Variants in TMEM17 observed in about 807,000 individuals in gnomAD.
TMEM17 encodes the protein transmembrane protein 17.
A neutral mutation model predicts 19.1 loss-of-function variants in TMEM17; 15 were observed. The observed-to-expected ratio is 0.78, with a 90% CI of 0.52 to 1.21. The LOEUF (loss-of-function observed/expected upper bound fraction) is 1.21, where lower values mean the gene tolerates loss of function less well. Among genes scored for constraint, TMEM17 ranks in the 50% most tolerant of loss-of-function variants. The probability of loss-of-function intolerance (pLI) is 0.00; values close to 1 mark genes in which losing one functional copy is unlikely to be tolerated. For synonymous variants in TMEM17, 103 were observed against 86.9 expected, an observed-to-expected ratio of 1.19 and a Z score of -1.03; for missense variants, 245 against 242.3, an observed-to-expected ratio of 1.01 and a Z score of -0.07.
At chr2:62,488,043 G>A in the TMEM17 span, among the ~76,000 whole-genome samples, 5 of 152,146 alleles carry the variant, frequency 3.3e-5, no homozygotes, top group African/African-American at 4.8e-5. Context: ...TATGGGCCAC[G>A]GTGTTCAGTC....
chr2:62,487,668 A>C, the TMEM17 span, among the ~76,000 whole-genome samples: 2 of 152,334 alleles, frequency 1.3e-5, no homozygotes, highest in East Asian at 3.9e-4. Flanking sequence ...AAAATAAAAA[A>C]ATAAAACTTG....
chr2:62,498,673 G>A (rs1436340611), downstream of TMEM17, among the ~76,000 whole-genome samples: 30 of 146,278 alleles, frequency 2.1e-4, no homozygotes, highest in Non-Finnish European at 2.4e-4. Context: ...CCGAGATCCC[G>A]CCACTGCACT....
chr2:62,501,620 G>A, intron 3 of TMEM17, 133 bp from the exon 4 acceptor site: 1 of 862,448 alleles, frequency 1.2e-6, no homozygotes, highest in Non-Finnish European at 1.7e-6. Flanking sequence ...AGGATGACAT[G>A]GTCCTTGTCC....
the TMEM17 span, among the ~76,000 whole-genome samples, chr2:62,457,087 A>G: frequency 2.6e-5 from 4 of 152,292 alleles, no homozygotes; most frequent in South Asian, 6.2e-4. The surrounding 1 kb of genome is among the most constrained non-coding windows in gnomAD (Gnocchi z 4.2). Flanking sequence ...CCGAGGCGAT[A>G]GCCACCCTGC....
chr2:62,461,224 T>C, the TMEM17 span, among the ~76,000 whole-genome samples: 2 of 152,188 alleles, frequency 1.3e-5, no homozygotes, highest in African/African-American at 4.8e-5. Context: ...TGCTCCCTGA[T>C]TACCAATATG....
At chr2:62,463,647 T>C in the TMEM17 span, among the ~76,000 whole-genome samples, 2 of 152,166 alleles carry the variant, frequency 1.3e-5, no homozygotes, top group African/African-American at 4.8e-5. Flanking sequence ...CTGCTAGTGA[T>C]AGGGACAGGA....
the TMEM17 span, among the ~76,000 whole-genome samples, chr2:62,466,955 C>CGA: frequency 1.3e-5 from 2 of 151,990 alleles, no homozygotes; most frequent in African/African-American, 4.8e-5. Flanking sequence ...TCCATGGCCC[C>CGA]GAGCCCTTAG....
chr2:62,460,364 A>G, the TMEM17 span, among the ~76,000 whole-genome samples: 257 of 152,316 alleles, frequency 1.7e-3, 1 homozygote, highest in African/African-American at 5.9e-3. Context: ...TGCCCACCCA[A>G]GCGTGGCTGC....
the TMEM17 span, among the ~76,000 whole-genome samples, chr2:62,488,678 A>G: frequency 6.6e-6 from 1 of 152,092 alleles, no homozygotes; most frequent in Non-Finnish European, 1.5e-5. Context: ...TGGATCTTGA[A>G]TCTACGGAAA....
downstream of TMEM17, among the ~76,000 whole-genome samples, chr2:62,497,255 AT>A (rs1308386923): frequency 6.6e-6 from 1 of 152,142 alleles, no homozygotes; most frequent in Non-Finnish European, 1.5e-5. Context: ...CATTTTTCAC[AT>A]TGTCTTCAAA....
chr2:62,491,814 A>T, the TMEM17 span, among the ~76,000 whole-genome samples: 2 of 152,212 alleles, frequency 1.3e-5, no homozygotes, highest in African/African-American at 2.4e-5. Flanking sequence ...TTTCCCATTT[A>T]AAAAAATTAA....
chr2:62,482,473 C>T, the TMEM17 span, among the ~76,000 whole-genome samples: 823 of 152,288 alleles, frequency 5.4e-3, 3 homozygotes, highest in Non-Finnish European at 7.9e-3. Context: ...AACCCAAAAC[C>T]CCTTTCCTGT....
chr2:62,463,973 CAGA>C, the TMEM17 span: 1 of 152,208 alleles, frequency 6.6e-6, no homozygotes, highest in African/African-American at 2.4e-5. Flanking sequence ...GGCCAGACTT[CAGA>C]AGAAGATGAC....
chr2:62,453,664 TA>T, the TMEM17 span, among the ~76,000 whole-genome samples: 2 of 152,246 alleles, frequency 1.3e-5, no homozygotes, highest in Non-Finnish European at 2.9e-5. Context: ...TAGACCTTTT[TA>T]AAATCTACCA....
chr2:62,495,778 T>C (rs1346414357), downstream of TMEM17, among the ~76,000 whole-genome samples: 1 of 152,252 alleles, frequency 6.6e-6, no homozygotes, highest in Admixed American at 6.5e-5. Flanking sequence ...TTTTAAACAA[T>C]CCCTTAAAGA....
chr2:62,501,254 G>T lies in TMEM17; in HGVS notation c.552C>A (p.Asn184Lys), dbSNP rs1447428296. ...ACCTCATCCTTCTCATGTCTCCTCT[G>T]TTTGCAGAGAGCCGGTCAAAGTCTT... ...HLQDFDRLSA[N>K]RGDMRRMRSC... is the part of the protein sequence containing the mutation. Residue 184 changes from asparagine to lysine, a missense_variant, in exon 4 of 4, where the codon AAC (asparagine) becomes AAA (lysine). Transcript: ENST00000335390. The T allele has an allele frequency of 6.2e-7, 1 of 1,614,142 alleles. No homozygotes were observed. Among genetic ancestry groups the T allele is most frequent in the Admixed American group, 1.7e-5 (1 of 60,026 alleles).
chr2:62,469,270 C>T, the TMEM17 span, among the ~76,000 whole-genome samples: 2 of 152,132 alleles, frequency 1.3e-5, no homozygotes. Flanking sequence ...TCAAAGAGGA[C>T]CCAGGATGGG....
At chr2:62,473,071 T>C in the TMEM17 span, among the ~76,000 whole-genome samples, 302 of 152,274 alleles carry the variant, frequency 2.0e-3, 1 homozygote, top group Middle Eastern at 3.4e-3. Flanking sequence ...ATCACAAAAA[T>C]CAGGTGGCTT....
At position 62,502,662 on chromosome 2, in the gene TMEM17, G is replaced by A. The variant is rs775460823; in HGVS notation, c.204+29C>T. The A allele has an allele frequency of 2.8e-5, 43 of 1,536,184 alleles. 1 individual carries two copies. In the Admixed American group the frequency reaches 8.5e-4, roughly 30 times the overall value. ...TTATTGACACTCTAACAACGTCAGG[G>A]CAGCAAAAGTATTAAAGCTTAGATT... On this transcript the variant is annotated intron_variant, in intron 2 of 3. Transcript: ENST00000335390.
Sources: allele counts gnomAD v4.1 joint callset (sites outside exome capture counted in the v4.1 genomes callset), GRCh38; gene constraint gnomAD v4.1.1; non-coding constraint Gnocchi (gnomAD v3.1); transcripts MANE v1.5; gene names NCBI Gene and HGNC (gene_info 2026-07-23, HGNC 2026-07-21).